The following CLVS1 variants were observed in gnomAD, a reference collection of about 807,000 sequenced individuals.
The protein encoded by CLVS1 is clavesin 1.
Under a neutral mutation model 33.1 loss-of-function variants are expected in CLVS1, and 10 were observed. The ratio of observed to expected loss-of-function variants is 0.30; its 90% CI spans 0.19 to 0.51. The LOEUF (loss-of-function observed/expected upper bound fraction) is 0.51, where lower values mean the gene tolerates loss of function less well. CLVS1 is among the 20% of genes least tolerant of loss of function. CLVS1 has a pLI of 0.97. For synonymous variants in CLVS1, 163 were observed against 166.1 expected, an observed-to-expected ratio of 0.98 and a Z score of 0.14; for missense variants, 343 against 433.4, an observed-to-expected ratio of 0.79 and a Z score of 1.85.
the CLVS1 span, among the ~76,000 whole-genome samples, chr8:61,012,492 A>T: frequency 3.3e-5 from 5 of 152,248 alleles, no homozygotes; most frequent in African/African-American, 1.2e-4. Context: ...CCCGAGAGTG[A>T]TGGAGATGGG....
At chr8:61,448,473 T>G (rs1165340158) in intron 3 of CLVS1, among the ~76,000 whole-genome samples, 4 of 152,170 alleles carry the variant, frequency 2.6e-5, no homozygotes, top group Non-Finnish European at 5.9e-5. Flanking sequence ...TAATTCCTAT[T>G]TTTTTCTATC....
chr8:61,379,323 C>A (rs1485314363), intron 3 of CLVS1, among the ~76,000 whole-genome samples: 4 of 152,162 alleles, frequency 2.6e-5, no homozygotes, highest in Non-Finnish European at 5.9e-5. Flanking sequence ...GGATTACCTG[C>A]TTCTCAACCT....
chr8:61,420,920 G>A (rs1815637015), intron 3 of CLVS1, among the ~76,000 whole-genome samples: 1 of 152,076 alleles, frequency 6.6e-6, no homozygotes. Flanking sequence ...GCAGTGAGCC[G>A]AGATCGCACC....
chr8:61,247,266 A>G (rs1288055126), intron 2 of CLVS1, among the ~76,000 whole-genome samples: 5 of 152,170 alleles, frequency 3.3e-5, no homozygotes, highest in Non-Finnish European at 5.9e-5. Context: ...ACTTGTGTGC[A>G]TGTGTCTTTA....
intron 2 of CLVS1, among the ~76,000 whole-genome samples, chr8:61,361,208 C>T (rs1812962932): frequency 6.6e-6 from 1 of 152,198 alleles, no homozygotes; most frequent in Non-Finnish European, 1.5e-5. Context: ...CAGGCCCCAC[C>T]TCCAACAATT....
chr8:61,251,175 T>C (rs1211809915), intron 2 of CLVS1, among the ~76,000 whole-genome samples: 2 of 152,224 alleles, frequency 1.3e-5, no homozygotes, highest in Non-Finnish European at 2.9e-5. Flanking sequence ...GAGATAATCA[T>C]GTGGTTTTTG....
intron 2 of CLVS1, among the ~76,000 whole-genome samples, chr8:61,247,013 A>T (rs2129315296): frequency 6.6e-6 from 1 of 152,172 alleles, no homozygotes; most frequent in Admixed American, 6.5e-5. Context: ...TTGTGTTCAT[A>T]AGTTCTCATC....
intron 1 of CLVS1, among the ~76,000 whole-genome samples, chr8:61,297,265 A>C (rs1048893990): frequency 6.6e-6 from 1 of 152,192 alleles, no homozygotes; most frequent in Non-Finnish European, 1.5e-5. Flanking sequence ...TTTCAACTGT[A>C]ATATAGAGAA....
chr8:61,163,972 C>T (rs142002000), intron 2 of CLVS1, among the ~76,000 whole-genome samples: 2,552 of 152,244 alleles, frequency 0.017, 39 homozygotes, highest in South Asian at 0.054. Flanking sequence ...AAACAAAGCT[C>T]CCATACAATG....
rs150775705 is a variant in CLVS1 at position 61,275,840 on chromosome 8, T to A, written c.-151-23837T>A. Among the ~76,000 whole-genome samples the A allele has an allele frequency of 8.0e-3, 1,223 of 152,320 alleles. 16 individuals are homozygous for A. The highest frequency in any genetic ancestry group is 0.027 in the African/African-American group (1,136 of 41,562). On this transcript the variant is annotated intron_variant, in intron 2 of 2. Transcript: ENST00000522621. The stretch of plus-strand genomic sequence containing the variant: ...CTGAATTCAAATAAATAAGACCCTA[T>A]GACAGGTTTAGAAATTATTCTCTCT...
the CLVS1 span, among the ~76,000 whole-genome samples, chr8:61,033,039 A>AAG: frequency 8.9e-6 from 1 of 112,524 alleles, no homozygotes; most frequent in Non-Finnish European, 2.0e-5. Context: ...GAAAGAAAGA[A>AAG]AGAAAGAAAA....
chr8:61,227,346 A>C (rs780238524), intron 2 of CLVS1, among the ~76,000 whole-genome samples: 1 of 151,376 alleles, frequency 6.6e-6, no homozygotes, highest in African/African-American at 2.4e-5. Flanking sequence ...GATCAGGTAC[A>C]TAGCTGTAAA....
At chr8:60,968,199 G>A in the CLVS1 span, among the ~76,000 whole-genome samples, 2 of 152,130 alleles carry the variant, frequency 1.3e-5, no homozygotes, top group Non-Finnish European at 2.9e-5. Context: ...CCCAAATTGC[G>A]GGGCTGATAG....
rs150562733 is a variant in CLVS1, at chr8:61,342,667, A to G, written c.456-33938A>G. Among the ~76,000 whole-genome samples the G allele has an allele frequency of 1.6e-3, 248 of 152,264 alleles. 1 individual carries two copies. In the Middle Eastern group the frequency reaches 0.02, roughly 13 times the overall value. On this transcript the variant is annotated intron_variant, in intron 2 of 5. Transcript: ENST00000325897. ...ATTTATTGCCCCTTTTCAAACCTCA[A>G]TTATAACAAATTGCAATTATGTGGT...
intron 2 of CLVS1, among the ~76,000 whole-genome samples, chr8:61,357,489 C>CTTTTTTTTTTTTTTTTTTTTTTTTTT (rs1462908906): frequency 6.6e-5 from 2 of 30,262 alleles, no homozygotes; most frequent in East Asian, 1.9e-3. Flanking sequence ...TTTCCTTTTT[C>CTTTTTTTTTTTTTTTTTTTTTTTTTT]TTTTCTTTTT....
At chr8:61,480,895 C>T (rs1045762994) in intron 5 of CLVS1, among the ~76,000 whole-genome samples, 2 of 152,110 alleles carry the variant, frequency 1.3e-5, no homozygotes, top group Admixed American at 6.5e-5. Flanking sequence ...AGTGACCTCT[C>T]TATTCTTGGG....
At chr8:61,434,717 G>A (rs1816250665) in intron 3 of CLVS1, among the ~76,000 whole-genome samples, 2 of 152,152 alleles carry the variant, frequency 1.3e-5, no homozygotes, top group African/African-American at 4.8e-5. Flanking sequence ...AGGATTGTGG[G>A]GACCAAGTTT....
the CLVS1 span, among the ~76,000 whole-genome samples, chr8:61,048,993 C>T: frequency 2.0e-5 from 3 of 152,178 alleles, no homozygotes; most frequent in Non-Finnish European, 4.4e-5. Context: ...GTGAATGGAG[C>T]CACCAGAAGG....
chr8:61,118,264 T>A (rs1805780463), intron 1 of CLVS1, among the ~76,000 whole-genome samples: 1 of 152,118 alleles, frequency 6.6e-6, no homozygotes, highest in African/African-American at 2.4e-5. Flanking sequence ...CTTCTCTCTT[T>A]TTTTCTTTAT....
Sources: allele counts gnomAD v4.1 joint callset (sites outside exome capture counted in the v4.1 genomes callset), GRCh38; gene constraint gnomAD v4.1.1; transcripts MANE v1.5; gene names NCBI Gene and HGNC (gene_info 2026-07-23, HGNC 2026-07-21).